Variants in LINGO2 observed in about 807,000 individuals in gnomAD.
The protein encoded by LINGO2 is leucine-rich repeat and immunoglobulin-like domain-containing nogo receptor-interacting protein 2.
In LINGO2, 14 loss-of-function variants were observed where a neutral mutation model predicts 30.6. That is an observed-to-expected ratio of 0.46 (90% CI 0.30 to 0.72). LINGO2 has a LOEUF of 0.72. LINGO2 is among the 30% of genes least tolerant of loss of function. The probability of loss-of-function intolerance (pLI) is 0.07; values close to 1 mark genes in which losing one functional copy is unlikely to be tolerated. For missense variants in LINGO2, 729 were observed against 751.7 expected, an observed-to-expected ratio of 0.97 and a Z score of 0.35; for synonymous variants, 317 against 288.5, an observed-to-expected ratio of 1.10 and a Z score of -1.00.
the LINGO2 span, among the ~76,000 whole-genome samples, chr9:28,833,779 G>A: frequency 6.6e-6 from 1 of 152,098 alleles, no homozygotes; most frequent in Admixed American, 6.6e-5. Context: ...TAGAAAGAAA[G>A]CACGTTTCTA....
chr9:28,990,080 C>T, the LINGO2 span, among the ~76,000 whole-genome samples: 8 of 152,198 alleles, frequency 5.3e-5, no homozygotes, highest in African/African-American at 1.9e-4. Flanking sequence ...TGAGCCGAAG[C>T]AGGGTGAGGC....
At chr9:28,668,795 C>A (rs1828904112) in intron 1 of LINGO2, among the ~76,000 whole-genome samples, 2 of 152,040 alleles carry the variant, frequency 1.3e-5, no homozygotes, top group African/African-American at 4.8e-5. Context: ...ATTTTAAGTG[C>A]CATTAAATGT....
the LINGO2 span, among the ~76,000 whole-genome samples, chr9:28,788,788 C>T: frequency 6.6e-6 from 1 of 152,128 alleles, no homozygotes; most frequent in Non-Finnish European, 1.5e-5. Flanking sequence ...CCCCATGACA[C>T]AATTACCTCC....
intron 2 of LINGO2, among the ~76,000 whole-genome samples, chr9:28,416,376 A>C (rs1587641698): frequency 6.6e-6 from 1 of 152,296 alleles, no homozygotes; most frequent in Admixed American, 6.5e-5. Context: ...GTGATTCTTG[A>C]ATTTAAAGCA....
chr9:29,172,537 C>T, the LINGO2 span, among the ~76,000 whole-genome samples: 7,248 of 151,820 alleles, frequency 0.048, 560 homozygotes, highest in African/African-American at 0.16. Context: ...TTTTAAATTT[C>T]GGTCACTTAT....
chr9:28,588,711 G>T (rs1159660518), intron 1 of LINGO2, among the ~76,000 whole-genome samples: 1 of 151,966 alleles, frequency 6.6e-6, no homozygotes, highest in Non-Finnish European at 1.5e-5. Context: ...TTCTCTTTGA[G>T]GTCTTTCATT....
intron 2 of LINGO2, among the ~76,000 whole-genome samples, chr9:28,418,528 G>A (rs1444911798): frequency 6.6e-6 from 1 of 151,900 alleles, no homozygotes; most frequent in East Asian, 1.9e-4. Context: ...CTGCCCGCCT[G>A]TGCCTCCCAA....
chr9:28,037,377 T>C (rs1147815), intron 4 of LINGO2, among the ~76,000 whole-genome samples: 3,204 of 152,316 alleles, frequency 0.021, 96 homozygotes, highest in African/African-American at 0.072. Context: ...TTCAGAACTT[T>C]TCACACTATT....
the LINGO2 span, among the ~76,000 whole-genome samples, chr9:28,783,168 T>C: frequency 6.6e-6 from 1 of 152,296 alleles, no homozygotes; most frequent in East Asian, 1.9e-4. Flanking sequence ...TAAGATGTGT[T>C]GAAGGACACT....
chr9:29,168,579 A>G, the LINGO2 span, among the ~76,000 whole-genome samples: 1 of 152,198 alleles, frequency 6.6e-6, no homozygotes, highest in African/African-American at 2.4e-5. Flanking sequence ...TATGTAAGGA[A>G]ATCCTCTCAT....
intron 4 of LINGO2, among the ~76,000 whole-genome samples, chr9:28,040,280 A>G (rs1824138987): frequency 6.6e-6 from 1 of 152,196 alleles, no homozygotes; most frequent in African/African-American, 2.4e-5. Flanking sequence ...ATCTTGAACA[A>G]TGAGGCTCAG....
intron 4 of LINGO2, among the ~76,000 whole-genome samples, chr9:28,068,390 C>G (rs115764724): frequency 6.6e-6 from 1 of 152,068 alleles, no homozygotes; most frequent in Non-Finnish European, 1.5e-5. Flanking sequence ...AATGAGCAAG[C>G]TCTCTGGAGT....
chr9:28,137,548 A>C (rs1333460399), intron 4 of LINGO2, among the ~76,000 whole-genome samples: 1 of 152,074 alleles, frequency 6.6e-6, no homozygotes, highest in Non-Finnish European at 1.5e-5. Flanking sequence ...AGTTCTAAAA[A>C]TTTCCTGGAA....
chr9:28,848,197 T>TATAGTATATATATACTATATATACGC, the LINGO2 span, among the ~76,000 whole-genome samples: 2 of 111,168 alleles, frequency 1.8e-5, no homozygotes, highest in Admixed American at 1.9e-4. Context: ...TATACACATA[T>TATAGTATATATATACTATATATACGC]ATAGTATATA....
At chr9:28,885,638 C>T in the LINGO2 span, among the ~76,000 whole-genome samples, 1 of 152,046 alleles carries the variant, frequency 6.6e-6, no homozygotes, top group South Asian at 2.1e-4. Flanking sequence ...GTAGTAGTTG[C>T]ACTAGGAAAG....
chr9:27,948,960 C>T (rs1823480415), exon 6 of LINGO2: 1 of 1,614,020 alleles, frequency 6.2e-7, no homozygotes. Flanking sequence ...TTTGTGCTTG[C>T]CTTTCCCTCG....
At chr9:29,024,624 CCTATTTTAA>C in the LINGO2 span, among the ~76,000 whole-genome samples, 3 of 152,006 alleles carry the variant, frequency 2.0e-5, no homozygotes, top group African/African-American at 7.2e-5. Context: ...TAGAAAATGA[CCTATTTTAA>C]CTATCTGGTC....
At chr9:28,354,242 G>T (rs529408559) in intron 3 of LINGO2, among the ~76,000 whole-genome samples, 1 of 152,040 alleles carries the variant, frequency 6.6e-6, no homozygotes, top group African/African-American at 2.4e-5. Context: ...AAGGTGATAC[G>T]GTACTCATAC....
At chr9:28,117,958 A>C (rs894126012) in intron 4 of LINGO2, among the ~76,000 whole-genome samples, 1 of 152,202 alleles carries the variant, frequency 6.6e-6, no homozygotes, top group African/African-American at 2.4e-5. Flanking sequence ...GAGTCCAGAG[A>C]TAGGAATGTA....
Sources: allele counts gnomAD v4.1 joint callset (sites outside exome capture counted in the v4.1 genomes callset), GRCh38; gene constraint gnomAD v4.1.1; transcripts MANE v1.5; gene names NCBI Gene and HGNC (gene_info 2026-07-23, HGNC 2026-07-21).